Variants in AGBL4 observed in about 807,000 individuals in gnomAD.
AGBL4 encodes cytosolic carboxypeptidase 6.
In AGBL4, 58 loss-of-function variants were observed where a neutral mutation model predicts 66.4. That is an observed-to-expected ratio of 0.87 (90% CI 0.71 to 1.09). The LOEUF is 1.09. Ranked by LOEUF, AGBL4 falls within the 50% of genes least tolerant of loss-of-function variation. AGBL4 has a pLI of 0.00. For missense variants in AGBL4, 579 were observed against 631.0 expected (o/e 0.92, Z 0.88); for synonymous variants, 234 against 222.9 (o/e 1.05, Z -0.44).
At chr1:49,232,976 T>C (rs1650440697) in intron 4 of AGBL4, among the ~76,000 whole-genome samples, 1 of 152,220 alleles carries the variant, frequency 6.6e-6, no homozygotes, top group African/African-American at 2.4e-5. Context: ...TTTAATTACT[T>C]CATCTTAGGA....
chr1:49,762,237 C>T (rs1186047249), intron 2 of AGBL4, among the ~76,000 whole-genome samples: 1 of 152,036 alleles, frequency 6.6e-6, no homozygotes, highest in South Asian at 2.1e-4. Context: ...CTCACTAGCA[C>T]TTGTTTTGTC....
chr1:48,602,020 T>A (rs1557820541), intron 9 of AGBL4, among the ~76,000 whole-genome samples: 1 of 152,144 alleles, frequency 6.6e-6, no homozygotes, highest in Non-Finnish European at 1.5e-5. Flanking sequence ...TAATTAAAAG[T>A]TAATGTTGCT....
chr1:49,997,614 T>C (rs1349970972), intron 1 of AGBL4, among the ~76,000 whole-genome samples: 1 of 152,084 alleles, frequency 6.6e-6, no homozygotes, highest in East Asian at 1.9e-4. Flanking sequence ...AGTGGAAGAC[T>C]TCAATACTCC....
chr1:48,620,534 A>G (rs1315428714), intron 9 of AGBL4, among the ~76,000 whole-genome samples: 3 of 152,078 alleles, frequency 2.0e-5, no homozygotes, highest in Non-Finnish European at 4.4e-5. Context: ...AAGTGCTGGG[A>G]TTATAGGCAA....
chr1:49,359,568 T>A (rs888434217), intron 3 of AGBL4, among the ~76,000 whole-genome samples: 12 of 152,158 alleles, frequency 7.9e-5, no homozygotes, highest in African/African-American at 2.9e-4. Context: ...AGTACAGAGA[T>A]TGAATTATCT....
At chr1:48,622,754 T>G (rs320034) in intron 9 of AGBL4, among the ~76,000 whole-genome samples, 98,134 of 151,924 alleles carry the variant, frequency 0.65, 32,095 homozygotes, top group Middle Eastern at 0.76. Flanking sequence ...AAAGAGCTGG[T>G]ATTACAGGCA....
intron 6 of AGBL4, among the ~76,000 whole-genome samples, chr1:48,716,011 A>C (rs771705678): frequency 6.6e-6 from 1 of 152,206 alleles, no homozygotes; most frequent in African/African-American, 2.4e-5. Flanking sequence ...CCAAGGCAAC[A>C]GCCATGATTT....
At chr1:49,635,285 A>G (rs973357450) in intron 3 of AGBL4, among the ~76,000 whole-genome samples, 2 of 152,222 alleles carry the variant, frequency 1.3e-5, no homozygotes, top group Non-Finnish European at 2.9e-5. Flanking sequence ...ATAAAATGAG[A>G]GATCTTTTAG....
At chr1:49,939,010 G>A (rs1255310085) in intron 1 of AGBL4, among the ~76,000 whole-genome samples, 1 of 151,896 alleles carries the variant, frequency 6.6e-6, no homozygotes, top group Non-Finnish European at 1.5e-5. Context: ...AAAGTCTCAG[G>A]ATACAAAATC....
intron 5 of AGBL4, among the ~76,000 whole-genome samples, chr1:48,936,625 A>G (rs565099640): frequency 1.3e-5 from 2 of 152,340 alleles, no homozygotes; most frequent in East Asian, 1.9e-4. Context: ...CTGGCATTGA[A>G]GTAGCCACCC....
At chr1:49,959,558 G>T (rs1034414338) in intron 1 of AGBL4, among the ~76,000 whole-genome samples, 1 of 151,996 alleles carries the variant, frequency 6.6e-6, no homozygotes, top group Non-Finnish European at 1.5e-5. Flanking sequence ...TTTCTTGGAC[G>T]AATTAATAAA....
intron 5 of AGBL4, among the ~76,000 whole-genome samples, chr1:48,875,975 G>C (rs1649182339): frequency 6.6e-6 from 1 of 152,122 alleles, no homozygotes; most frequent in African/African-American, 2.4e-5. Context: ...TTATTCGCAG[G>C]TTTATAGGCA....
At chr1:49,812,447 G>A (rs1391486815) in intron 2 of AGBL4, among the ~76,000 whole-genome samples, 3 of 152,098 alleles carry the variant, frequency 2.0e-5, no homozygotes, top group African/African-American at 4.8e-5. Context: ...ATACTTTGAT[G>A]ACATACTCAC....
intron 5 of AGBL4, among the ~76,000 whole-genome samples, chr1:48,963,765 A>C (rs10493138): frequency 0.077 from 11,752 of 152,246 alleles, 583 homozygotes; most frequent in Non-Finnish European, 0.1. Flanking sequence ...CTTGAGCAAC[A>C]GATTAAGGTC....
intron 3 of AGBL4, among the ~76,000 whole-genome samples, chr1:49,388,724 C>T (rs911190402): frequency 1.3e-5 from 2 of 151,994 alleles, no homozygotes; most frequent in African/African-American, 2.4e-5. Flanking sequence ...GAGTAATGTC[C>T]CCTTAGTGTA....
intron 3 of AGBL4, among the ~76,000 whole-genome samples, chr1:49,477,938 G>A (rs942911842): frequency 5.3e-5 from 8 of 151,584 alleles, no homozygotes; most frequent in African/African-American, 9.7e-5. Context: ...GAACACATCA[G>A]TCTTTTAATA....
chr1:48,616,275 C>T (rs150770656), intron 9 of AGBL4, among the ~76,000 whole-genome samples: 142 of 152,134 alleles, frequency 9.3e-4, no homozygotes, highest in Non-Finnish European at 1.7e-3. Context: ...AAATTTGAGA[C>T]GCACCAGGTT....
At chr1:49,799,211 T>A (rs1389884831) in intron 2 of AGBL4, among the ~76,000 whole-genome samples, 1 of 152,108 alleles carries the variant, frequency 6.6e-6, no homozygotes, top group Non-Finnish European at 1.5e-5. Flanking sequence ...ACTTTCTCTG[T>A]CACTCTAATA....
intron 5 of AGBL4, among the ~76,000 whole-genome samples, chr1:48,878,551 T>C (rs1649442642): frequency 6.6e-6 from 1 of 152,170 alleles, no homozygotes; most frequent in Non-Finnish European, 1.5e-5. Flanking sequence ...TTCCCTCCTG[T>C]CTTTCTTTAT....
Sources: allele counts gnomAD v4.1 joint callset (sites outside exome capture counted in the v4.1 genomes callset), GRCh38; gene constraint gnomAD v4.1.1; transcripts MANE v1.5; gene names NCBI Gene and HGNC (gene_info 2026-07-23, HGNC 2026-07-21).